AHI1: variants seen among roughly 807,000 people sequenced by gnomAD.
The protein encoded by AHI1 is jouberin.
In AHI1, 123 loss-of-function variants were observed where a neutral mutation model predicts 149.3. The ratio of observed to expected loss-of-function variants is 0.82; its 90% CI spans 0.71 to 0.96. The LOEUF is 0.96. Among genes scored for constraint, AHI1 ranks in the 40% least tolerant of loss-of-function variants. AHI1 has a pLI of 0.00. For missense variants in AHI1, 1,439 were observed against 1,422.7 expected, an observed-to-expected ratio of 1.01 and a Z score of -0.18; for synonymous variants, 475 against 459.8, an observed-to-expected ratio of 1.03 and a Z score of -0.42.
At chr6:135,490,151 G>T (rs1795049180) in intron 5 of AHI1, 4 of 717,980 alleles carry the variant, frequency 5.6e-6, no homozygotes, top group Non-Finnish European at 1.0e-5. Flanking sequence ...TGCTGCCAAA[G>T]ATTCTATCAT....
In AHI1 at chr6:135,447,113, A is replaced by G. The variant is rs750069868; in HGVS notation, c.1674T>C (p.Gly558=). The change falls in exon 13 of 29, where the codon GGT becomes GGC. Residue 558 remains glycine (G), a synonymous_variant. Coordinates refer to ENST00000265602, the MANE Select transcript of AHI1 (RefSeq NM_001134831.2). ...GGTGACGTTCACAATGCACTGGTTT[A>G]CCTTTTTCCTCCTGAAGAGCCATCA... ...RSMMALQEEK[G]KPVHCERHHE... 6.2e-7 allele frequency: 1 copy of G among 1,601,886 alleles called. No individual in the cohort carries two copies. The highest frequency in any genetic ancestry group is 1.1e-5 in the South Asian group (1 of 89,852).
At chr6:135,329,466 C>A (rs545233441) in intron 24 of AHI1, among the ~76,000 whole-genome samples, 1 of 152,292 alleles carries the variant, frequency 6.6e-6, no homozygotes, top group East Asian at 1.9e-4. Flanking sequence ...GATAGCCCAT[C>A]CATCTACAGC....
At chr6:135,376,819 T>C (rs1284184237) in intron 23 of AHI1, among the ~76,000 whole-genome samples, 2 of 127,906 alleles carry the variant, frequency 1.6e-5, no homozygotes, top group Non-Finnish European at 3.1e-5. Flanking sequence ...GAGGCAAAGG[T>C]TGCAGTGAGC....
intron 24 of AHI1, among the ~76,000 whole-genome samples, chr6:135,325,113 G>A (rs939826951): frequency 6.0e-5 from 9 of 150,518 alleles, no homozygotes; most frequent in Admixed American, 2.7e-4. Flanking sequence ...TGCAACCTCC[G>A]CCACCCGGGT....
At chr6:135,289,652 C>T (rs1290771492) in intron 28 of AHI1, among the ~76,000 whole-genome samples, 1 of 151,828 alleles carries the variant, frequency 6.6e-6, no homozygotes, top group Non-Finnish European at 1.5e-5. Flanking sequence ...TAATGTTTTC[C>T]AATTCTGGTA....
intron 16 of AHI1, 141 bp from the exon 17 acceptor site, chr6:135,431,455 C>T (rs1784648392): frequency 2.1e-6 from 1 of 468,932 alleles, no homozygotes; most frequent in Non-Finnish European, 3.7e-6. Flanking sequence ...TTTAAAAAAG[C>T]CAAAAATCAA....
chr6:135,324,157 T>C (rs1787288329), intron 24 of AHI1, among the ~76,000 whole-genome samples: 1 of 151,944 alleles, frequency 6.6e-6, no homozygotes, highest in Non-Finnish European at 1.5e-5. Context: ...TCCATCTCTA[T>C]ATAAAAAAAC....
chr6:135,414,216 C>T (rs988819134), intron 20 of AHI1, among the ~76,000 whole-genome samples: 1 of 151,892 alleles, frequency 6.6e-6, no homozygotes, highest in Non-Finnish European at 1.5e-5. Context: ...TTTTTTCCAA[C>T]AAATGGTGTT....
At chr6:135,377,221 A>C (rs1009673745) in intron 23 of AHI1, among the ~76,000 whole-genome samples, 1 of 152,160 alleles carries the variant, frequency 6.6e-6, no homozygotes, top group Non-Finnish European at 1.5e-5. Flanking sequence ...GGAAGGAAGA[A>C]GAAAATGCAA....
chr6:135,370,273 T>C (rs1774829176), intron 23 of AHI1, among the ~76,000 whole-genome samples: 1 of 152,242 alleles, frequency 6.6e-6, no homozygotes, highest in African/African-American at 2.4e-5. Context: ...ACACCTATTA[T>C]AACTCTCCCC....
intron 24 of AHI1, among the ~76,000 whole-genome samples, chr6:135,350,042 GGAAAAA>G (rs1161500242): frequency 6.6e-6 from 1 of 152,090 alleles, no homozygotes. Flanking sequence ...CACAGAACAA[GGAAAAA>G]GAAATCTTTA....
At chr6:135,292,766 T>G (rs1399153263) in intron 27 of AHI1, among the ~76,000 whole-genome samples, 1 of 152,198 alleles carries the variant, frequency 6.6e-6, no homozygotes. Context: ...AGAACTAATG[T>G]ATGAGCAATG....
At chr6:135,429,446 C>CA (rs1233938872) in intron 18 of AHI1, among the ~76,000 whole-genome samples, 7 of 151,024 alleles carry the variant, frequency 4.6e-5, no homozygotes, top group African/African-American at 9.7e-5. Context: ...TGGAAATAAA[C>CA]AAAAAAACAA....
At chr6:135,379,220 A>C (rs1394902918) in intron 23 of AHI1, among the ~76,000 whole-genome samples, 2 of 152,122 alleles carry the variant, frequency 1.3e-5, no homozygotes, top group African/African-American at 2.4e-5. Flanking sequence ...TCCTCTCAAT[A>C]TTCCTGTATC....
intron 14 of AHI1, among the ~76,000 whole-genome samples, chr6:135,442,001 G>A (rs1786374434): frequency 1.3e-5 from 2 of 152,130 alleles, no homozygotes; most frequent in African/African-American, 4.8e-5. Flanking sequence ...CTGCAGAGGA[G>A]AGCTGGTTTT....
intron 26 of AHI1, among the ~76,000 whole-genome samples, chr6:135,312,494 T>C (rs528736839): frequency 5.9e-5 from 9 of 151,872 alleles, no homozygotes; most frequent in East Asian, 1.9e-4. Flanking sequence ...AGCTTGGCAA[T>C]AGAGTGAGAC....
chr6:135,490,349 A>G (rs1236491120), intron 5 of AHI1: 2 of 665,052 alleles, frequency 3.0e-6, no homozygotes, highest in Non-Finnish European at 5.4e-6. Flanking sequence ...CAAAAATGTT[A>G]TCATGGCTAG....
chr6:135,409,787 C>T (rs1474889115), intron 21 of AHI1, among the ~76,000 whole-genome samples: 1 of 152,108 alleles, frequency 6.6e-6, no homozygotes, highest in Non-Finnish European at 1.5e-5. Context: ...ATACTGGCAT[C>T]TTTTCATTAA....
At chr6:135,344,295 T>C (rs1473862774) in intron 24 of AHI1, among the ~76,000 whole-genome samples, 2 of 151,782 alleles carry the variant, frequency 1.3e-5, no homozygotes, top group African/African-American at 4.8e-5. Context: ...GTAAGAGACG[T>C]GTATCCAGAC....
Sources: allele counts gnomAD v4.1 joint callset (sites outside exome capture counted in the v4.1 genomes callset), GRCh38; gene constraint gnomAD v4.1.1; transcripts MANE v1.5; gene names NCBI Gene and HGNC (gene_info 2026-07-23, HGNC 2026-07-21).